EXOG: variants seen among roughly 807,000 people sequenced by gnomAD.
The protein encoded by EXOG is nuclease EXOG, mitochondrial.
EXOG carries 27 observed loss-of-function variants against 25.8 expected under a neutral mutation model. That is an observed-to-expected ratio of 1.05 (90% CI 0.77 to 1.45). The LOEUF is 1.45. EXOG is among the 40% of genes most tolerant of loss of function. The pLI is 0.00. For synonymous variants in EXOG, 133 were observed against 167.0 expected, an observed-to-expected ratio of 0.80 and a Z score of 1.57; for missense variants, 458 against 450.5, an observed-to-expected ratio of 1.02 and a Z score of -0.15.
intron 3 of EXOG, 72 bp downstream of exon 3, chr3:38,501,566 A>G: frequency 7.3e-7 from 1 of 1,374,818 alleles, no homozygotes; most frequent in Non-Finnish European, 1.0e-6. Flanking sequence ...TAGAGGTTTA[A>G]AAACCTAGGA....
rs759601991 is a variant in EXOG at position 38,503,588 on chromosome 3, C to T, written c.454-27C>T. ...TTTTAAAGGGGAAAGCATTTCAGTG[C>T]AAGTTACTATGTTTCTTTCTTTACA... On this transcript the variant is annotated intron_variant, in intron 3 of 5. Transcript: ENST00000287675. 3.1e-6 allele frequency: 4 copies of T among 1,294,768 alleles called. No individual in the cohort carries two copies. The South Asian group carries it at 4.9e-5, about 16-fold the overall frequency. 80.2% of individuals were successfully genotyped at this position (1,294,768 alleles called of 1,614,324 possible).
In EXOG at chr3:38,501,953, C is replaced by CA. The variant is rs551572748; in HGVS notation, c.453+459_453+460insA. ...TTATTTATTTTTTGAGATGGAGTCT[C>CA]TCTCTGTCACCCAGGCTGGAGTACA... On this transcript the variant is annotated intron_variant, in intron 3 of 5. Coordinates refer to ENST00000287675, the MANE Select transcript of EXOG (RefSeq NM_005107.4). Among the ~76,000 whole-genome samples the CA allele has an allele frequency of 1.8e-4, 27 of 152,262 alleles. 1 individual carries two copies. Among genetic ancestry groups the CA allele is most frequent in the Middle Eastern group, 3.4e-3 (1 of 294 alleles).
chr3:38,499,633 A>T (rs1559673728), intron 2 of EXOG: 1 of 452,530 alleles, frequency 2.2e-6, no homozygotes, highest in African/African-American at 2.0e-5. Context: ...GTATATCTGT[A>T]TTTTTTTTAC....
At chr3:38,508,720 C>CA (rs1033152802) in intron 5 of EXOG, among the ~76,000 whole-genome samples, 8 of 149,468 alleles carry the variant, frequency 5.4e-5, no homozygotes, top group Admixed American at 2.0e-4. Context: ...CACCCCCCCC[C>CA]CAAAAAAAAA....
At position 38,525,014 on chromosome 3, in the gene EXOG, T is replaced by C. The variant is rs941588948; in HGVS notation, c.*652T>C. 3 of 985,260 alleles carry C rather than the reference T, an allele frequency of 3.0e-6. No individual in the cohort carries two copies. Among genetic ancestry groups the C allele is most frequent in the African/African-American group, 1.7e-5 (1 of 57,228 alleles). 61.0% of individuals were successfully genotyped at this position (985,260 alleles called of 1,614,324 possible). The stretch of plus-strand genomic sequence containing the variant: ...GTGTAGTTCCTGTCCACATGCACTA[T>C]ATATTTGTTTCTTTTTTCTCCTCTC... On this transcript the variant is annotated 3_prime_UTR_variant, in exon 6 of 6. Transcript: ENST00000287675.
intron 4 of EXOG, among the ~76,000 whole-genome samples, chr3:38,504,097 G>A (rs139675859): frequency 2.0e-5 from 3 of 152,282 alleles, no homozygotes; most frequent in Admixed American, 6.5e-5. Context: ...GCCAGGGTCA[G>A]TGGTTCATGT....
intron 5 of EXOG, among the ~76,000 whole-genome samples, chr3:38,518,812 C>T (rs2051214): frequency 6.6e-6 from 1 of 151,936 alleles, no homozygotes; most frequent in East Asian, 1.9e-4. Flanking sequence ...AAAGTAGTGA[C>T]CATTTTCTTT....
chr3:38,515,087 T>C (rs1354947952), intron 5 of EXOG, among the ~76,000 whole-genome samples: 1 of 152,086 alleles, frequency 6.6e-6, no homozygotes, highest in African/African-American at 2.4e-5. Flanking sequence ...TTTTTATAGA[T>C]AACTTTTTTT....
rs1575683786 is a variant in EXOG at position 38,524,224 on chromosome 3, C to G, written c.969C>G (p.Leu323=). 1 of 1,614,132 alleles carries G rather than the reference C, an allele frequency of 6.2e-7. No individual in the cohort carries two copies. Among genetic ancestry groups the G allele is most frequent in the Non-Finnish European group, 8.5e-7 (1 of 1,179,996 alleles). Residue 323 remains leucine (L), a synonymous_variant, in exon 6 of 6, where the codon CTC becomes CTG. Coordinates refer to ENST00000287675, the MANE Select transcript of EXOG (RefSeq NM_005107.4). The part of the protein sequence containing the change: ...TRKIEGARSV[L]RLEKIMENLK... ...AGATTGAAGGAGCCCGATCAGTGCT[C>G]AGACTGGAAAAGATCATGGAAAACT...
In EXOG at chr3:38,503,658, A is replaced by G; in HGVS notation, c.497A>G (p.Gln166Arg). The stretch of plus-strand genomic sequence containing the variant: ...TTTTACCTTTCTAACATTGTGCCTC[A>G]GGATTTTGATAATAATTCTGGATAT... Reference protein sequence around the residue: ...ETFYLSNIVPQDFDNNSGYWN... With the variant: ...ETFYLSNIVPRDFDNNSGYWN... The change falls in exon 4 of 6, where the codon CAG (glutamine) becomes CGG (arginine). Residue 166 changes from glutamine (Q) to arginine (R), a missense_variant. Transcript: ENST00000287675. 1 of 1,606,626 alleles carries G rather than the reference A, an allele frequency of 6.2e-7. No homozygotes were observed. The highest frequency in any genetic ancestry group is 8.5e-7 in the Non-Finnish European group (1 of 1,173,756).
At chr3:38,502,971 T>C (rs2060093387) in intron 3 of EXOG, among the ~76,000 whole-genome samples, 1 of 152,170 alleles carries the variant, frequency 6.6e-6, no homozygotes, top group Non-Finnish European at 1.5e-5. Flanking sequence ...AACCTCATAC[T>C]TACAAAACTG....
At position 38,496,393 on chromosome 3, in the gene EXOG, G is replaced by A. The variant is rs780830129; in HGVS notation, c.26G>A (p.Arg9His). ...ATGGCTATCAAGAGTATCGCTTCCC[G>A]CCTCCGGGGTTCCCGTCGTTTTCTG... The part of the protein sequence containing the change: MAIKSIAS[R>H]LRGSRRFLSG... Residue 9 changes from arginine to histidine, a missense_variant, in exon 1 of 6, where the codon CGC becomes CAC. By Grantham distance (29) the Arg-to-His change is conservative. Transcript: ENST00000287675. 6.2e-7 allele frequency: 1 copy of A among 1,613,880 alleles called. No individual in the cohort carries two copies. Among genetic ancestry groups the A allele is most frequent in the South Asian group, 1.1e-5 (1 of 91,066 alleles).
chr3:38,509,909 C>T (rs1362544821), intron 5 of EXOG, among the ~76,000 whole-genome samples: 1 of 152,142 alleles, frequency 6.6e-6, no homozygotes, highest in African/African-American at 2.4e-5. Flanking sequence ...TTGCACACAT[C>T]ACCATAATTG....
chr3:38,518,519 G>A (rs1403547493), intron 5 of EXOG, among the ~76,000 whole-genome samples: 3 of 152,180 alleles, frequency 2.0e-5, no homozygotes, highest in African/African-American at 4.8e-5. Context: ...TTGCAATTAC[G>A]TACGGCAATT....
chr3:38,506,738 G>T lies in EXOG; in HGVS notation c.531-116G>T. 4 of 499,794 alleles carry T rather than the reference G, an allele frequency of 8.0e-6. 1 individual carries two copies. The South Asian group carries it at 1.1e-4, about 14-fold the overall frequency. 31.0% of individuals were successfully genotyped at this position (499,794 alleles called of 1,614,324 possible). A position where few individuals can be genotyped will look rare whatever the true frequency, so the allele number is the denominator to read the frequency against. The stretch of plus-strand genomic sequence containing the variant: ...TTATAATGTTTTGTGCCATGTTCTT[G>T]TTTAATTTCTCAAATGCAGTTTTTC... On this transcript the variant is annotated intron_variant, in intron 4 of 5. Transcript: ENST00000287675.
Position 38,496,524 on chromosome 3 carries a change from C to G in EXOG, c.157C>G (p.Pro53Ala). 6.2e-7 allele frequency: 1 copy of G among 1,611,250 alleles called. No individual in the cohort carries two copies. Among genetic ancestry groups the G allele is most frequent in the Non-Finnish European group, 8.5e-7 (1 of 1,179,564 alleles). Residue 53 changes from proline (P) to alanine (A), a missense_variant, in exon 1 of 6, where the codon CCG becomes GCG. Pro to Ala is a conservative substitution (Grantham distance 27, BLOSUM62 -1). Around this residue, in one of 3 missense-constraint regions of EXOG, gnomAD observed 275 missense variants for 230.5 expected, o/e 1.19. Coordinates refer to ENST00000287675, the MANE Select transcript of EXOG (RefSeq NM_005107.4). ...TGAGGGAGCGTTGACAGGGAAGCAG[C>G]CGGATGGTAAGTCTGTGGGCCCGTC... ...GAEGALTGKQPDGSAEKAVLE... is the reference protein window; with the variant it reads ...GAEGALTGKQADGSAEKAVLE...
At position 38,524,673 on chromosome 3, in the gene EXOG, A is replaced by G. The variant is rs1354801802; in HGVS notation, c.*311A>G. 9 of 1,040,428 alleles carry G rather than the reference A, an allele frequency of 8.7e-6. No homozygotes were observed. The highest frequency in any genetic ancestry group is 1.0e-5 in the Non-Finnish European group (9 of 866,426). The allele number at this position is 1,040,428 out of a possible 1,614,324, so 64.4% of individuals were successfully genotyped here. ...TGGAATCCTAAATTTATGACTAAAA[A>G]TTCCCCCAAAAGATGAAAGATCTAC... On this transcript the variant is annotated 3_prime_UTR_variant, in exon 6 of 6. Coordinates refer to ENST00000287675, the MANE Select transcript of EXOG (RefSeq NM_005107.4).
Position 38,512,814 on chromosome 3 carries a change from A to G in EXOG, c.645+5846A>G, listed in dbSNP as rs1575648441. ...ATATATATATTTTTAAGTTTTTCAT[A>G]GAGATAGGGTCTTGCTCTGTCTGCT... On this transcript the variant is annotated intron_variant, in intron 5 of 5. Coordinates refer to ENST00000287675, the MANE Select transcript of EXOG (RefSeq NM_005107.4). Among the ~76,000 whole-genome samples, 3 of 152,234 alleles carry G rather than the reference A, an allele frequency of 2.0e-5. No individual in the cohort carries two copies. In the East Asian group the frequency reaches 5.8e-4, roughly 29 times the overall value.
Position 38,498,905 on chromosome 3 carries a change from T to G in EXOG, c.313+1127T>G, listed in dbSNP as rs574525254. ...TGTAGAATTGCCAGATCTTGATAAT[T>G]AATGTCAAATTGGTTTCTAGGTAGA... On this transcript the variant is annotated intron_variant, in intron 2 of 5. Transcript: ENST00000287675. The G allele has an allele frequency of 9.9e-5, 45 of 456,698 alleles. No homozygotes were observed. In the Middle Eastern group the frequency reaches 1.3e-3, roughly 13 times the overall value. The allele number at this position is 456,698 out of a possible 1,614,324, so 28.3% of individuals were successfully genotyped here.
Sources: gnomAD v4.1 joint callset for allele counts (sites outside exome capture counted in the v4.1 genomes callset) on GRCh38, gnomAD v4.1.1 for gene constraint, gnomAD v4.1.1 regional missense constraint, MANE v1.5 for transcripts, NCBI Gene and HGNC (gene_info 2026-07-23, HGNC 2026-07-21) for gene names.